The following CCDC178 variants were observed in gnomAD, a reference collection of about 807,000 sequenced individuals.
CCDC178 encodes the protein coiled-coil domain containing 178.
Under a neutral mutation model 117.4 loss-of-function variants are expected in CCDC178, and 126 were observed. That is an observed-to-expected ratio of 1.07 (90% CI 0.93 to 1.24). The LOEUF is 1.24. CCDC178 is among the 50% of genes most tolerant of loss of function. CCDC178 has a pLI of 0.00. For synonymous variants in CCDC178, 283 were observed against 313.4 expected, an observed-to-expected ratio of 0.90 and a Z score of 1.02; for missense variants, 1,030 against 986.9, an observed-to-expected ratio of 1.04 and a Z score of -0.59.
intron 12 of CCDC178, among the ~76,000 whole-genome samples, chr18:33,281,740 G>A (rs2060028175): frequency 6.6e-6 from 1 of 152,210 alleles, no homozygotes; most frequent in Non-Finnish European, 1.5e-5. Flanking sequence ...ATGCTAAGGT[G>A]TATCATTCTT....
chr18:33,296,746 G>A (rs1218727338), intron 11 of CCDC178, among the ~76,000 whole-genome samples: 2 of 152,034 alleles, frequency 1.3e-5, no homozygotes, highest in East Asian at 1.9e-4. Context: ...TCATATTTTG[G>A]GCCAGGCGTG....
chr18:33,232,755 A>G (rs919157589), intron 15 of CCDC178, among the ~76,000 whole-genome samples: 3 of 152,202 alleles, frequency 2.0e-5, no homozygotes, highest in Non-Finnish European at 2.9e-5. Context: ...TCAAATCCAC[A>G]GATACGCATT....
intron 21 of CCDC178, among the ~76,000 whole-genome samples, chr18:33,048,542 C>T (rs1037958028): frequency 6.6e-6 from 1 of 152,070 alleles, no homozygotes; most frequent in African/African-American, 2.4e-5. Context: ...AGCAATTTTA[C>T]AACTTACTTG....
chr18:33,103,636 C>A (rs1162706080), intron 20 of CCDC178, among the ~76,000 whole-genome samples: 2 of 151,074 alleles, frequency 1.3e-5, no homozygotes, highest in Non-Finnish European at 3.0e-5. Flanking sequence ...AAAATGGACT[C>A]AATAACTTTG....
chr18:32,964,624 C>T (rs2054772734), intron 22 of CCDC178, among the ~76,000 whole-genome samples: 1 of 152,018 alleles, frequency 6.6e-6, no homozygotes, highest in African/African-American at 2.4e-5. Flanking sequence ...TATACATCAT[C>T]TCATCTAATT....
intron 20 of CCDC178, among the ~76,000 whole-genome samples, chr18:33,168,066 G>C (rs2058554788): frequency 6.6e-6 from 1 of 151,938 alleles, no homozygotes; most frequent in South Asian, 2.1e-4. Context: ...AGTTTCTTTT[G>C]TGCAGAATAT....
At chr18:33,184,592 TGC>T (rs2058768294) in intron 20 of CCDC178, among the ~76,000 whole-genome samples, 2 of 152,052 alleles carry the variant, frequency 1.3e-5, no homozygotes, top group African/African-American at 4.8e-5. Flanking sequence ...AATAGAAAGT[TGC>T]TGCAGCCAAA....
At chr18:33,033,206 G>C (rs1211413960) in intron 21 of CCDC178, among the ~76,000 whole-genome samples, 1 of 152,054 alleles carries the variant, frequency 6.6e-6, no homozygotes, top group Non-Finnish European at 1.5e-5. Flanking sequence ...TGAATTTGGA[G>C]AGGGTCCTTG....
intron 12 of CCDC178, among the ~76,000 whole-genome samples, chr18:33,281,873 T>C (rs1043464609): frequency 2.6e-5 from 4 of 152,186 alleles, no homozygotes; most frequent in African/African-American, 9.7e-5. Flanking sequence ...TACAGCTTTG[T>C]TTATAATACT....
chr18:33,251,431 A>G (rs2059617779), intron 14 of CCDC178, among the ~76,000 whole-genome samples: 1 of 151,722 alleles, frequency 6.6e-6, no homozygotes, highest in South Asian at 2.1e-4. Context: ...GGAATTGTCT[A>G]GAAATTTCTT....
At chr18:33,238,829 G>A (rs7233353) in intron 15 of CCDC178, among the ~76,000 whole-genome samples, 10,203 of 152,140 alleles carry the variant, frequency 0.067, 514 homozygotes, top group African/African-American at 0.14. Flanking sequence ...TAGGCACATT[G>A]TAGTCACATT....
At chr18:33,078,636 A>C (rs2057249522) in intron 21 of CCDC178, among the ~76,000 whole-genome samples, 1 of 152,214 alleles carries the variant, frequency 6.6e-6, no homozygotes, top group Non-Finnish European at 1.5e-5. Flanking sequence ...ATATACCAAC[A>C]ATAGCCATGC....
chr18:32,958,272 G>A, intron 22 of CCDC178: 1 of 447,934 alleles, frequency 2.2e-6, no homozygotes, highest in South Asian at 3.1e-5. Context: ...TTGAGTTTGT[G>A]GCAAAAAATG....
intron 21 of CCDC178, among the ~76,000 whole-genome samples, chr18:33,004,410 G>A (rs2055707693): frequency 6.6e-6 from 1 of 152,104 alleles, no homozygotes; most frequent in African/African-American, 2.4e-5. Context: ...AATAAATGAT[G>A]ATGGGAAAAT....
chr18:33,406,699 C>A (rs1338077332), intron 3 of CCDC178, among the ~76,000 whole-genome samples: 1 of 151,942 alleles, frequency 6.6e-6, no homozygotes, highest in African/African-American at 2.4e-5. Flanking sequence ...TAATATATGT[C>A]AAAAATAAAT....
chr18:33,365,291 A>G (rs999932703), intron 6 of CCDC178, among the ~76,000 whole-genome samples: 2 of 152,110 alleles, frequency 1.3e-5, no homozygotes, highest in Admixed American at 6.6e-5. Context: ...AAAAAGAGCC[A>G]AGTTTTCCAA....
At chr18:33,424,447 G>C (rs2064085224) in intron 2 of CCDC178, among the ~76,000 whole-genome samples, 1 of 152,154 alleles carries the variant, frequency 6.6e-6, no homozygotes, top group Non-Finnish European at 1.5e-5. Context: ...GCGTGACTCA[G>C]CTGGATTGGT....
chr18:33,371,377 AT>A (rs1366741772), intron 5 of CCDC178, among the ~76,000 whole-genome samples: 3 of 151,620 alleles, frequency 2.0e-5, no homozygotes, highest in African/African-American at 4.9e-5. Context: ...TTGATGCCAC[AT>A]TTTTTTAATC....
At chr18:33,389,650 A>G (rs2063540876) in intron 4 of CCDC178, 21 bp from the exon 5 acceptor site, 2 of 1,277,434 alleles carry the variant, frequency 1.6e-6, no homozygotes, top group South Asian at 1.7e-5. Flanking sequence ...GAAAAAATAC[A>G]TATTTTAGTG....
Sources: allele counts gnomAD v4.1 joint callset (sites outside exome capture counted in the v4.1 genomes callset), GRCh38; gene constraint gnomAD v4.1.1; transcripts MANE v1.5; gene names NCBI Gene and HGNC (gene_info 2026-07-23, HGNC 2026-07-21).